The following TMEM132D variants were observed in gnomAD, a reference collection of about 807,000 sequenced individuals.
TMEM132D encodes mature OL transmembrane protein.
TMEM132D carries 21 observed loss-of-function variants against 62.3 expected under a neutral mutation model. The observed-to-expected ratio is 0.34, with a 90% CI of 0.24 to 0.49. The LOEUF (loss-of-function observed/expected upper bound fraction) is 0.49, where lower values mean the gene tolerates loss of function less well. TMEM132D is among the 20% of genes least tolerant of loss of function. TMEM132D has a pLI of 0.99. For synonymous variants in TMEM132D, 621 were observed against 575.6 expected (o/e 1.08, Z -1.13); for missense variants, 1,346 against 1,402.8 (o/e 0.96, Z 0.65).
At chr12:129,799,207 G>T (rs1362441635) in intron 1 of TMEM132D, among the ~76,000 whole-genome samples, 1 of 152,128 alleles carries the variant, frequency 6.6e-6, no homozygotes, top group Non-Finnish European at 1.5e-5. Flanking sequence ...GGAGGTTGCA[G>T]TGAGCTGAGA....
intron 4 of TMEM132D, among the ~76,000 whole-genome samples, chr12:129,282,855 C>T (rs1393426923): frequency 6.6e-6 from 1 of 152,146 alleles, no homozygotes; most frequent in Admixed American, 6.5e-5. Context: ...ACTATGATTG[C>T]TGGACTGGTG....
intron 2 of TMEM132D, among the ~76,000 whole-genome samples, chr12:129,578,408 A>ATGTG (rs143488724): frequency 0.026 from 3,757 of 144,806 alleles, 177 homozygotes; most frequent in African/African-American, 0.092. Flanking sequence ...TAATACAATT[A>ATGTG]TGTGTGTGTG....
At chr12:129,265,048 C>A (rs1201380672) in intron 4 of TMEM132D, among the ~76,000 whole-genome samples, 1 of 152,004 alleles carries the variant, frequency 6.6e-6, no homozygotes, top group Admixed American at 6.6e-5. Flanking sequence ...CCACCTGTAC[C>A]CCAATAACTT....
intron 3 of TMEM132D, among the ~76,000 whole-genome samples, chr12:129,434,086 T>C (rs1285092199): frequency 2.6e-5 from 4 of 152,328 alleles, no homozygotes; most frequent in Non-Finnish European, 5.9e-5. Context: ...TCTAGGATTA[T>C]GCAAACATGA....
intron 4 of TMEM132D, among the ~76,000 whole-genome samples, chr12:129,280,959 C>T (rs948059334): frequency 4.6e-5 from 7 of 151,908 alleles, no homozygotes; most frequent in East Asian, 1.9e-4. Flanking sequence ...AGGTCATTTT[C>T]GCCACAATAT....
intron 5 of TMEM132D, among the ~76,000 whole-genome samples, chr12:129,092,103 C>CAT (rs1202583891): frequency 1.3e-5 from 2 of 152,188 alleles, no homozygotes; most frequent in Non-Finnish European, 2.9e-5. Context: ...GAACCCCTTT[C>CAT]ATAATCCATT....
At chr12:129,444,349 G>C (rs922896689) in intron 3 of TMEM132D, among the ~76,000 whole-genome samples, 1 of 152,074 alleles carries the variant, frequency 6.6e-6, no homozygotes, top group Non-Finnish European at 1.5e-5. Context: ...GAAAATTTTT[G>C]TAACAATACA....
chr12:129,794,359 C>G (rs1871499636), intron 1 of TMEM132D, among the ~76,000 whole-genome samples: 1 of 151,404 alleles, frequency 6.6e-6, no homozygotes, highest in Non-Finnish European at 1.5e-5. Flanking sequence ...ACCTCGGCCT[C>G]CCAGAATGCT....
rs1403594067 is a variant in TMEM132D, at chr12:129,791,477, A to G, written c.80-90779T>C. On this transcript the variant is annotated intron_variant, in intron 1 of 8. Transcript: ENST00000422113. ...CAAAACAGTAGAGAATAATACAGCT[A>G]TTCATTCTGACTCACTGTCAAGCAA... is the stretch of plus-strand genomic sequence containing the variant. Among the ~76,000 whole-genome samples the G allele has an allele frequency of 3.9e-5, 6 of 152,218 alleles. No homozygotes were observed. The East Asian group carries it at 5.8e-4, about 15-fold the overall frequency.
At chr12:129,137,998 G>C (rs1468447631) in intron 5 of TMEM132D, among the ~76,000 whole-genome samples, 1 of 152,012 alleles carries the variant, frequency 6.6e-6, no homozygotes, top group Non-Finnish European at 1.5e-5. Context: ...GCTCTCTTCT[G>C]CTTAAGGTTC....
At chr12:129,677,213 T>C (rs940176487) in intron 2 of TMEM132D, among the ~76,000 whole-genome samples, 1 of 152,190 alleles carries the variant, frequency 6.6e-6, no homozygotes, top group Non-Finnish European at 1.5e-5. Context: ...GAATGAATTA[T>C]TGGGGCAGGT....
intron 2 of TMEM132D, among the ~76,000 whole-genome samples, chr12:129,621,914 T>A (rs1033655196): frequency 2.6e-5 from 4 of 152,154 alleles, no homozygotes; most frequent in African/African-American, 7.2e-5. Flanking sequence ...CCTTCTTTTC[T>A]CCTTCCTTCC....
intron 1 of TMEM132D, among the ~76,000 whole-genome samples, chr12:129,786,041 C>T (rs1429121979): frequency 6.6e-6 from 1 of 152,208 alleles, no homozygotes; most frequent in African/African-American, 2.4e-5. Context: ...TATGGCTACT[C>T]AAATGACTGT....
chr12:129,572,922 T>A (rs988462112), intron 2 of TMEM132D, among the ~76,000 whole-genome samples: 1 of 152,198 alleles, frequency 6.6e-6, no homozygotes, highest in Non-Finnish European at 1.5e-5. Context: ...AAATGTTTCT[T>A]AGAATGCGAC....
chr12:129,327,876 A>C (rs1868966363), intron 4 of TMEM132D, among the ~76,000 whole-genome samples: 1 of 152,174 alleles, frequency 6.6e-6, no homozygotes, highest in African/African-American at 2.4e-5. Flanking sequence ...CAGAAATCCC[A>C]CTGCATGTGC....
chr12:129,294,327 G>A (rs142471650), intron 4 of TMEM132D, among the ~76,000 whole-genome samples: 21 of 152,272 alleles, frequency 1.4e-4, no homozygotes, highest in Middle Eastern at 3.4e-3. Flanking sequence ...GTGAAACAAT[G>A]CAATGAAGCT....
intron 1 of TMEM132D, among the ~76,000 whole-genome samples, chr12:129,754,726 A>G (rs1362244050): frequency 6.6e-6 from 1 of 152,204 alleles, no homozygotes; most frequent in Non-Finnish European, 1.5e-5. Flanking sequence ...AGGAGCCTGA[A>G]AAATCACATT....
chr12:129,087,338 T>C (rs575941241), intron 5 of TMEM132D, among the ~76,000 whole-genome samples: 326 of 152,036 alleles, frequency 2.1e-3, no homozygotes, highest in African/African-American at 7.5e-3. Flanking sequence ...TATTCCACCG[T>C]ATATATACAC....
intron 3 of TMEM132D, among the ~76,000 whole-genome samples, chr12:129,463,600 A>G (rs983077885): frequency 1.3e-5 from 2 of 151,898 alleles, no homozygotes; most frequent in African/African-American, 4.8e-5. Context: ...CATTAGGTAT[A>G]TCTCCTAATG....
Sources: gnomAD v4.1 joint callset for allele counts (sites outside exome capture counted in the v4.1 genomes callset) on GRCh38, gnomAD v4.1.1 for gene constraint, MANE v1.5 for transcripts, NCBI Gene and HGNC (gene_info 2026-07-23, HGNC 2026-07-21) for gene names.